The following ST6GALNAC3 variants were observed in gnomAD, a reference collection of about 807,000 sequenced individuals.
ST6GALNAC3 encodes the protein alpha-N-acetylgalactosaminide alpha-2,6-sialyltransferase 3.
Under a neutral mutation model 32.7 loss-of-function variants are expected in ST6GALNAC3, and 25 were observed. The ratio of observed to expected loss-of-function variants is 0.76; its 90% CI spans 0.56 to 1.07. The LOEUF (loss-of-function observed/expected upper bound fraction) is 1.07. Among genes scored for constraint, ST6GALNAC3 ranks in the 50% least tolerant of loss-of-function variants. The pLI is 0.00. For synonymous variants in ST6GALNAC3, 129 were observed against 133.1 expected, an observed-to-expected ratio of 0.97 and a Z score of 0.21; for missense variants, 355 against 382.4, an observed-to-expected ratio of 0.93 and a Z score of 0.60.
intron 3 of ST6GALNAC3, among the ~76,000 whole-genome samples, chr1:76,521,299 A>G (rs957708261): frequency 1.3e-5 from 2 of 151,378 alleles, no homozygotes; most frequent in Admixed American, 1.3e-4. Flanking sequence ...ATATATATAT[A>G]CACACACACA....
chr1:76,300,436 T>C (rs1660661780), intron 1 of ST6GALNAC3, among the ~76,000 whole-genome samples: 1 of 151,894 alleles, frequency 6.6e-6, no homozygotes, highest in African/African-American at 2.4e-5. Context: ...GTCATTAAAC[T>C]CAGGAGCCAG....
chr1:76,586,223 G>T (rs1646960686), intron 3 of ST6GALNAC3, among the ~76,000 whole-genome samples: 1 of 152,186 alleles, frequency 6.6e-6, no homozygotes, highest in South Asian at 2.1e-4. Context: ...TGAATGTTGA[G>T]ATGTACTGTG....
intron 1 of ST6GALNAC3, among the ~76,000 whole-genome samples, chr1:76,206,504 C>T (rs970778034): frequency 1.3e-5 from 2 of 152,046 alleles, no homozygotes; most frequent in African/African-American, 4.8e-5. Flanking sequence ...TGGAGTTGGG[C>T]GGATCATGAG....
intron 2 of ST6GALNAC3, among the ~76,000 whole-genome samples, chr1:76,400,466 G>C (rs970514890): frequency 6.6e-6 from 1 of 152,106 alleles, no homozygotes; most frequent in Non-Finnish European, 1.5e-5. Context: ...TTTAGATTTT[G>C]GCATTTGGAA....
chr1:76,310,357 A>G (rs1646737974), intron 1 of ST6GALNAC3, among the ~76,000 whole-genome samples: 1 of 152,156 alleles, frequency 6.6e-6, no homozygotes, highest in Non-Finnish European at 1.5e-5. Flanking sequence ...AGCAAATTAA[A>G]ACAGTTTTTC....
intron 3 of ST6GALNAC3, among the ~76,000 whole-genome samples, chr1:76,609,786 C>T (rs555200143): frequency 6.6e-6 from 1 of 151,918 alleles, no homozygotes; most frequent in Non-Finnish European, 1.5e-5. Context: ...CCTGTCCCCC[C>T]TCCTTCATAT....
chr1:76,287,582 A>G (rs1244507065), intron 1 of ST6GALNAC3, among the ~76,000 whole-genome samples: 1 of 152,048 alleles, frequency 6.6e-6, no homozygotes, highest in African/African-American at 2.4e-5. Context: ...TCTGGTTTAT[A>G]TAGGATCCTC....
rs191564322 is a variant in ST6GALNAC3 at position 76,411,597 on chromosome 1, T to C, written c.214-411T>C. On this transcript the variant is annotated intron_variant, in intron 2 of 4. Coordinates refer to ENST00000328299, the MANE Select transcript of ST6GALNAC3 (RefSeq NM_152996.4). ...TCATGCATACAGGTAAAATACATAA[T>C]TGATCCCTGGATATGTTTCTTTTGC... Among the ~76,000 whole-genome samples the C allele has an allele frequency of 8.5e-4, 129 of 152,238 alleles. 2 individuals are homozygous for C. Among genetic ancestry groups the C allele is most frequent in the Non-Finnish European group, 1.6e-4 (11 of 68,008 alleles).
intron 1 of ST6GALNAC3, among the ~76,000 whole-genome samples, chr1:76,234,381 C>A (rs549627774): frequency 1.3e-5 from 2 of 152,328 alleles, no homozygotes; most frequent in East Asian, 3.9e-4. Flanking sequence ...TGAGTGTTTG[C>A]ATTTTAATGC....
chr1:76,162,404 A>G (rs1054006745), intron 1 of ST6GALNAC3, among the ~76,000 whole-genome samples: 3 of 152,200 alleles, frequency 2.0e-5, no homozygotes, highest in African/African-American at 7.2e-5. Flanking sequence ...AGCAGAAGGA[A>G]AGTATGACCT....
At chr1:76,323,677 AG>A in intron 2 of ST6GALNAC3, among the ~76,000 whole-genome samples, 1 of 152,364 alleles carries the variant, frequency 6.6e-6, no homozygotes, top group Middle Eastern at 3.4e-3. Context: ...AGGCTAATAA[AG>A]AAGGTAGAAT....
At chr1:76,336,003 T>C (rs1647442100) in intron 2 of ST6GALNAC3, among the ~76,000 whole-genome samples, 2 of 152,158 alleles carry the variant, frequency 1.3e-5, no homozygotes, top group East Asian at 3.9e-4. Context: ...TGGATTTTAA[T>C]AAGGACTCCT....
chr1:76,296,976 T>C (rs1660440967), intron 1 of ST6GALNAC3, among the ~76,000 whole-genome samples: 1 of 152,012 alleles, frequency 6.6e-6, no homozygotes. Flanking sequence ...ATTACTAATA[T>C]TTTGTATTAA....
intron 3 of ST6GALNAC3, among the ~76,000 whole-genome samples, chr1:76,518,568 A>C (rs1253891223): frequency 6.6e-6 from 1 of 152,054 alleles, no homozygotes; most frequent in Non-Finnish European, 1.5e-5. Flanking sequence ...CAGTATGTAA[A>C]CTTACAATTT....
At chr1:76,254,234 G>C (rs999917873) in intron 1 of ST6GALNAC3, among the ~76,000 whole-genome samples, 6 of 152,086 alleles carry the variant, frequency 3.9e-5, no homozygotes, top group African/African-American at 1.4e-4. Flanking sequence ...GATCCAAGTG[G>C]ATCAGGGAAG....
intron 1 of ST6GALNAC3, among the ~76,000 whole-genome samples, chr1:76,107,918 ATTT>A (rs1456975349): frequency 6.6e-6 from 1 of 152,150 alleles, no homozygotes. Context: ...GTCGGTAGAC[ATTT>A]ATATTTCCTG....
chr1:76,553,712 GACT>G (rs1664763979), intron 3 of ST6GALNAC3, among the ~76,000 whole-genome samples: 1 of 152,106 alleles, frequency 6.6e-6, no homozygotes, highest in Non-Finnish European at 1.5e-5. Flanking sequence ...TGATTTTTGA[GACT>G]AACATACATG....
intron 1 of ST6GALNAC3, among the ~76,000 whole-genome samples, chr1:76,084,112 C>G (rs945486894): frequency 2.6e-5 from 4 of 152,320 alleles, no homozygotes; most frequent in East Asian, 1.9e-4. Context: ...TTCATCTTCA[C>G]TATCAGAAGA....
At chr1:76,289,405 AT>A (rs1659952477) in intron 1 of ST6GALNAC3, among the ~76,000 whole-genome samples, 1 of 152,192 alleles carries the variant, frequency 6.6e-6, no homozygotes, top group Admixed American at 6.5e-5. Flanking sequence ...CCGATTACTC[AT>A]GTTTTTAAAG....
Sources: gnomAD v4.1 joint callset for allele counts (sites outside exome capture counted in the v4.1 genomes callset) on GRCh38, gnomAD v4.1.1 for gene constraint, MANE v1.5 for transcripts, NCBI Gene and HGNC (gene_info 2026-07-23, HGNC 2026-07-21) for gene names.